Variants in SUGCT observed in about 807,000 individuals in gnomAD.
The protein encoded by SUGCT is succinyl-CoA:glutarate-CoA transferase, also known as succinyl-CoA:glutarate CoA-transferase.
A neutral mutation model predicts 55.0 loss-of-function variants in SUGCT; 41 were observed. The observed-to-expected ratio is 0.74, with a 90% confidence interval of 0.58 to 0.97. SUGCT has a LOEUF of 0.97. Among genes scored for constraint, SUGCT ranks in the 50% least tolerant of loss-of-function variants. SUGCT has a pLI of 0.00. For missense variants in SUGCT, 568 were observed against 547.8 expected, an observed-to-expected ratio of 1.04 and a Z score of -0.37; for synonymous variants, 187 against 200.4, an observed-to-expected ratio of 0.93 and a Z score of 0.56.
intron 6 of SUGCT, among the ~76,000 whole-genome samples, chr7:40,228,750 T>C (rs1788540083): frequency 6.6e-6 from 1 of 152,208 alleles, no homozygotes; most frequent in African/African-American, 2.4e-5. Flanking sequence ...GATCAGTTAT[T>C]TGATTACCCT....
intron 12 of SUGCT, among the ~76,000 whole-genome samples, chr7:40,540,510 C>A (rs1794615156): frequency 6.6e-6 from 1 of 152,214 alleles, no homozygotes; most frequent in South Asian, 2.1e-4. Context: ...AGGTGTAAGA[C>A]CATTGTCACT....
the SUGCT span, among the ~76,000 whole-genome samples, chr7:40,924,424 A>G: frequency 6.6e-6 from 1 of 152,130 alleles, no homozygotes; most frequent in Non-Finnish European, 1.5e-5. Flanking sequence ...TAATTTTTGT[A>G]TTTTTAGTAG....
chr7:40,860,843 G>A (rs1859845), downstream of SUGCT: 45,802 of 114,380 alleles, frequency 0.4, 7,960 homozygotes, highest in East Asian at 0.73. Context: ...CCCCCGCCCC[G>A]TCCATACAGG....
At chr7:40,830,396 C>G (rs912596817) in intron 13 of SUGCT, among the ~76,000 whole-genome samples, 2 of 152,176 alleles carry the variant, frequency 1.3e-5, no homozygotes, top group African/African-American at 4.8e-5. Flanking sequence ...TTTTTGCTCC[C>G]TGCACTAGTC....
At chr7:40,895,200 C>G in the SUGCT span, among the ~76,000 whole-genome samples, 1 of 152,190 alleles carries the variant, frequency 6.6e-6, no homozygotes, top group African/African-American at 2.4e-5. Context: ...CCTAAGCAAA[C>G]TAACACAGGA....
intron 12 of SUGCT, among the ~76,000 whole-genome samples, chr7:40,590,461 T>G (rs1797652438): frequency 6.6e-6 from 1 of 152,124 alleles, no homozygotes; most frequent in Non-Finnish European, 1.5e-5. Context: ...AGGAAGGAAG[T>G]AAAGGAAAGA....
At position 40,390,797 on chromosome 7, in the gene SUGCT, T is replaced by C. The variant is rs187733706; in HGVS notation, c.817-58490T>C. 1.3e-3 allele frequency among the ~76,000 whole-genome samples: 204 copies of C among 152,266 alleles called. No homozygotes were observed. In the Middle Eastern group the frequency reaches 0.017, roughly 13 times the overall value. On this transcript the variant is annotated intron_variant, in intron 9 of 13. Coordinates refer to ENST00000335693, the MANE Select transcript of SUGCT (RefSeq NM_001193313.2). The stretch of plus-strand genomic sequence containing the variant: ...GGAAAAAACTACTTTAGAGTTCATA[T>C]GGAACCAAAAAAGAGCCCACATTGC...
At chr7:40,946,303 C>T in the SUGCT span, among the ~76,000 whole-genome samples, 3 of 152,026 alleles carry the variant, frequency 2.0e-5, no homozygotes, top group Admixed American at 2.0e-4. Flanking sequence ...ATTAAGTGAC[C>T]ATAGTGGGTG....
At chr7:40,215,511 A>T (rs938502708) in intron 6 of SUGCT, among the ~76,000 whole-genome samples, 1 of 152,122 alleles carries the variant, frequency 6.6e-6, no homozygotes, top group African/African-American at 2.4e-5. Context: ...AACAATGGCT[A>T]GTGAGTTTCA....
chr7:40,202,783 C>A (rs954778774), intron 6 of SUGCT, among the ~76,000 whole-genome samples: 12 of 152,184 alleles, frequency 7.9e-5, no homozygotes, highest in Non-Finnish European at 1.6e-4. Context: ...CAGAGTCTAT[C>A]TGTTATGATC....
intron 6 of SUGCT, among the ~76,000 whole-genome samples, chr7:40,205,885 G>C (rs192964782): frequency 6.6e-6 from 1 of 152,186 alleles, no homozygotes; most frequent in East Asian, 1.9e-4. Flanking sequence ...CAGAAGCAAA[G>C]AGATCGCCTG....
At position 40,682,465 on chromosome 7, in the gene SUGCT, A is replaced by G. The variant is rs564282555; in HGVS notation, c.1090-66969A>G. Reference sequence around the variant, plus strand: ...GCTTGTGACTGGCATCTGAAGTGGGAAGCAGTATTGTGGGACTGAGCTTTA... The same window carrying G: ...GCTTGTGACTGGCATCTGAAGTGGGGAGCAGTATTGTGGGACTGAGCTTTA... On this transcript the variant is annotated intron_variant, in intron 12 of 13. Transcript: ENST00000335693. Among the ~76,000 whole-genome samples the G allele has an allele frequency of 2.0e-4, 31 of 152,288 alleles. No homozygotes were observed. The East Asian group carries it at 5.4e-3, about 27-fold the overall frequency.
chr7:40,824,108 A>G (rs1792178179), intron 13 of SUGCT, among the ~76,000 whole-genome samples: 1 of 152,008 alleles, frequency 6.6e-6, no homozygotes, highest in South Asian at 2.1e-4. Flanking sequence ...GTGGATGAAA[A>G]ATTTCTCCCT....
chr7:40,230,942 A>T (rs1788688027), intron 6 of SUGCT, among the ~76,000 whole-genome samples: 1 of 152,242 alleles, frequency 6.6e-6, no homozygotes, highest in South Asian at 2.1e-4. Context: ...GAGTTGTTAT[A>T]TGAATTAAAC....
intron 4 of SUGCT, 42 bp downstream of exon 4, chr7:40,188,622 CT>C: frequency 7.7e-7 from 1 of 1,300,960 alleles, no homozygotes; most frequent in Non-Finnish European, 1.1e-6. Flanking sequence ...GTGTAATTCT[CT>C]TATAATAGCA....
chr7:41,035,279 G>A, the SUGCT span, among the ~76,000 whole-genome samples: 5 of 152,228 alleles, frequency 3.3e-5, no homozygotes, highest in Non-Finnish European at 7.3e-5. Context: ...GCAGGTGGGT[G>A]CACTTTTGCT....
At chr7:40,418,184 T>C (rs1212832751) in intron 9 of SUGCT, among the ~76,000 whole-genome samples, 1 of 152,200 alleles carries the variant, frequency 6.6e-6, no homozygotes, top group African/African-American at 2.4e-5. Flanking sequence ...GCACTAATTG[T>C]TCAATAGACA....
Position 40,496,410 on chromosome 7 carries a change from G to A in SUGCT, c.1089+24G>A, listed in dbSNP as rs181794590. On this transcript the variant is annotated intron_variant, in intron 12 of 13. Coordinates refer to ENST00000335693, the MANE Select transcript of SUGCT (RefSeq NM_001193313.2). The stretch of plus-strand genomic sequence containing the variant: ...AGGTTTGTTTTTGAAGTTTAACAAC[G>A]CCTCTGTTTTCTGTCCAGATTGACT... 1.4e-5 allele frequency: 21 copies of A among 1,495,160 alleles called. 1 individual carries two copies. Among genetic ancestry groups the A allele is most frequent in the South Asian group, 5.8e-5 (5 of 86,472 alleles). 92.6% of individuals were successfully genotyped at this position (1,495,160 alleles called of 1,614,324 possible).
chr7:40,901,026 G>A, the SUGCT span, among the ~76,000 whole-genome samples: 1 of 152,152 alleles, frequency 6.6e-6, no homozygotes, highest in Non-Finnish European at 1.5e-5. Flanking sequence ...ATTGTAGGTG[G>A]TGGGGAGTGA....
Sources: gnomAD v4.1 joint callset for allele counts (sites outside exome capture counted in the v4.1 genomes callset) on GRCh38, gnomAD v4.1.1 for gene constraint, MANE v1.5 for transcripts, NCBI Gene and HGNC (gene_info 2026-07-23, HGNC 2026-07-21) for gene names.